FAM149B1: variants seen among roughly 807,000 people sequenced by gnomAD.
FAM149B1 encodes the protein primary cilium assembly protein FAM149B1.
A neutral mutation model predicts 75.3 loss-of-function variants in FAM149B1; 56 were observed. That is an observed-to-expected ratio of 0.74 (90% CI 0.60 to 0.93). FAM149B1 has a LOEUF of 0.93. Ranked by LOEUF, FAM149B1 falls within the 40% of genes least tolerant of loss-of-function variation. FAM149B1 has a pLI of 0.00. For synonymous variants in FAM149B1, 259 were observed against 256.1 expected (o/e 1.01, Z -0.11); for missense variants, 639 against 708.4 (o/e 0.90, Z 1.11).
In FAM149B1 at chr10:73,233,153, G is replaced by A; in HGVS notation, c.1342G>A (p.Gly448Arg). 6.5e-7 allele frequency: 1 copy of A among 1,550,300 alleles called. No homozygotes were observed. The highest frequency in any genetic ancestry group is 8.7e-7 in the Non-Finnish European group (1 of 1,145,786). ...AAGATCTGTGGAAGAAATCCTCAGA[G>A]GAGCCCGAGTGTAGGTTTCAAAAGC... ...TPRSVEEILR[G>R]ARVPVAPDSL... Residue 448 changes from glycine to arginine, a missense_variant, in exon 10 of 14, where the codon GGA becomes AGA. Gly to Arg is a moderately radical substitution (Grantham distance 125). Transcript: ENST00000242505.
At chr10:73,175,004 G>A (rs1270090580) in intron 2 of FAM149B1, among the ~76,000 whole-genome samples, 1 of 152,080 alleles carries the variant, frequency 6.6e-6, no homozygotes, top group Non-Finnish European at 1.5e-5. Context: ...TTATAAAGTA[G>A]TTAAGAACAC....
intron 11 of FAM149B1, 67 bp downstream of exon 11, chr10:73,235,007 G>T: frequency 6.6e-7 from 1 of 1,523,786 alleles, no homozygotes; most frequent in Non-Finnish European, 8.9e-7. Context: ...AATTCTGCAG[G>T]ATCTGTGCCC....
chr10:73,192,750 A>G lies in FAM149B1; in HGVS notation c.425+52A>G, dbSNP rs569734588. 6 of 1,435,038 alleles carry G rather than the reference A, an allele frequency of 4.2e-6. No homozygotes were observed. The South Asian group carries it at 5.8e-5, about 14-fold the overall frequency. The allele number at this position is 1,435,038 out of a possible 1,614,324, so 88.9% of individuals were successfully genotyped here. ...ATTCATGGCTAATACTAAAATTTAA[A>G]AAGTAGATTTAAAAAAAAAGCTTGT... On this transcript the variant is annotated intron_variant, in intron 4 of 13. Coordinates refer to ENST00000242505, the MANE Select transcript of FAM149B1 (RefSeq NM_173348.2).
rs547859030 is a variant in FAM149B1, at chr10:73,218,143, G to A, written c.898+7705G>A. On this transcript the variant is annotated intron_variant, in intron 7 of 13. Transcript: ENST00000242505. ...TAGTTATAGATAGCACAGTTAAAAG[G>A]AGTGGGGAATGGAAGGTTAAAAAAA... Among the ~76,000 whole-genome samples, 30 of 152,290 alleles carry A rather than the reference G, an allele frequency of 2.0e-4. 1 individual carries two copies. In the South Asian group the frequency reaches 5.2e-3, roughly 26 times the overall value.
chr10:73,174,584 C>A, intron 1 of FAM149B1, 103 bp from the exon 2 acceptor site: 1 of 786,416 alleles, frequency 1.3e-6, no homozygotes, highest in Non-Finnish European at 2.1e-6. Context: ...TCAGACAGTG[C>A]AGTTCCAGAG....
At position 73,243,648 on chromosome 10, in the gene FAM149B1, TG is replaced by T; in HGVS notation, c.*2630del. The T allele has an allele frequency of 7.9e-7, 1 of 1,273,352 alleles. No individual in the cohort carries two copies. Among genetic ancestry groups the T allele is most frequent in the South Asian group, 1.4e-5 (1 of 69,796 alleles). 78.9% of individuals were successfully genotyped at this position (1,273,352 alleles called of 1,614,324 possible). On this transcript the variant is annotated 3_prime_UTR_variant, in exon 14 of 14. Coordinates refer to ENST00000242505, the MANE Select transcript of FAM149B1 (RefSeq NM_173348.2). ...TGGAGTTTTTTTGGAATGGTGAAAA[TG>T]TCCTACAATTGGTGTTAATAATTGT...
chr10:73,174,696 A>G lies in FAM149B1; in HGVS notation c.57A>G (p.Ile19Met), dbSNP rs1353970219. Residue 19 changes from isoleucine to methionine, a missense_variant, in exon 2 of 14, where the codon ATA becomes ATG. Ile to Met is a conservative substitution (Grantham distance 10). Coordinates refer to ENST00000242505, the MANE Select transcript of FAM149B1 (RefSeq NM_173348.2). ...GTTTTGTCTTTCACAGGAAAGGAAT[A>G]ACAAAACATGCTCTTAACCATCATC... ...AVPQSLELKGITKHALNHHPP... is the reference protein window; with the variant it reads ...AVPQSLELKGMTKHALNHHPP... 1 of 1,548,660 alleles carries G rather than the reference A, an allele frequency of 6.5e-7. No individual in the cohort carries two copies. Among genetic ancestry groups the G allele is most frequent in the Non-Finnish European group, 8.7e-7 (1 of 1,145,072 alleles).
At chr10:73,221,365 G>T (rs2043410282) in intron 7 of FAM149B1, among the ~76,000 whole-genome samples, 1 of 146,264 alleles carries the variant, frequency 6.8e-6, no homozygotes, top group South Asian at 2.3e-4. Flanking sequence ...GTGATTAACT[G>T]TTTCTTTTGT....
At chr10:73,175,607 T>C (rs920082712) in intron 2 of FAM149B1, among the ~76,000 whole-genome samples, 1 of 147,920 alleles carries the variant, frequency 6.8e-6, no homozygotes, top group African/African-American at 2.5e-5. Flanking sequence ...GAGGCGGAGC[T>C]TGCAGTGAGC....
chr10:73,240,618 A>G (rs994083943), intron 13 of FAM149B1, among the ~76,000 whole-genome samples: 8 of 151,616 alleles, frequency 5.3e-5, no homozygotes, highest in African/African-American at 1.2e-4. Context: ...GGACTGAGGC[A>G]GGAGAATGAG....
At chr10:73,238,763 G>A (rs376774736) in intron 12 of FAM149B1, 1 of 152,226 alleles carries the variant, frequency 6.6e-6, no homozygotes, top group Non-Finnish European at 1.5e-5. Flanking sequence ...AGAAGCCCCA[G>A]CAGGATGTCA....
intron 12 of FAM149B1, among the ~76,000 whole-genome samples, chr10:73,236,468 T>TA (rs1564717953): frequency 1.3e-5 from 2 of 149,842 alleles, no homozygotes; most frequent in African/African-American, 4.9e-5. Flanking sequence ...GGGTGGAGTG[T>TA]AATGGCGCAA....
At chr10:73,185,427 T>C (rs2042495945) in intron 3 of FAM149B1, among the ~76,000 whole-genome samples, 2 of 152,112 alleles carry the variant, frequency 1.3e-5, no homozygotes, top group Admixed American at 6.6e-5. Context: ...CACGTGCCTT[T>C]AGTCCCAGGT....
At chr10:73,226,099 A>AT (rs59418464) in intron 7 of FAM149B1, among the ~76,000 whole-genome samples, 4,545 of 143,192 alleles carry the variant, frequency 0.032, 167 homozygotes, top group African/African-American at 0.091. Flanking sequence ...TACCACAATA[A>AT]TTTTTTTTTT....
chr10:73,210,504 A>G (rs1426371253), intron 7 of FAM149B1, 66 bp downstream of exon 7: 3 of 1,128,386 alleles, frequency 2.7e-6, no homozygotes, highest in Non-Finnish European at 2.5e-6. Context: ...TAACCAGTCT[A>G]TTAGATGATA....
intron 3 of FAM149B1, among the ~76,000 whole-genome samples, chr10:73,187,391 TAAAAAAA>T (rs773682735): frequency 7.8e-4 from 63 of 80,998 alleles, no homozygotes; most frequent in East Asian, 3.9e-3. Context: ...TCCAGATTAG[TAAAAAAA>T]AAAAAAAAAA....
intron 3 of FAM149B1, among the ~76,000 whole-genome samples, chr10:73,190,141 T>C (rs2042643511): frequency 6.6e-6 from 1 of 151,592 alleles, no homozygotes. Context: ...ATTTGAAGAG[T>C]AGTTAGGAGA....
At chr10:73,201,320 G>C (rs1265524428) in intron 5 of FAM149B1, 1 of 185,922 alleles carries the variant, frequency 5.4e-6, no homozygotes, top group East Asian at 1.3e-4. Flanking sequence ...GGGAATATTT[G>C]AATCTTGTCT....
intron 1 of FAM149B1, among the ~76,000 whole-genome samples, chr10:73,171,354 G>A (rs935781056): frequency 6.6e-6 from 1 of 152,098 alleles, no homozygotes; most frequent in Non-Finnish European, 1.5e-5. Context: ...TATCTTAATG[G>A]GAGCAAATTC....
Sources: allele counts gnomAD v4.1 joint callset (sites outside exome capture counted in the v4.1 genomes callset), GRCh38; gene constraint gnomAD v4.1.1; transcripts MANE v1.5; gene names NCBI Gene and HGNC (gene_info 2026-07-23, HGNC 2026-07-21).